PTPN21: variants seen among roughly 807,000 people sequenced by gnomAD.
PTPN21 encodes the protein tyrosine-protein phosphatase non-receptor type 21.
In PTPN21, 77 loss-of-function variants were observed where a neutral mutation model predicts 131.8. That is an observed-to-expected ratio of 0.58 (90% CI 0.49 to 0.71). The LOEUF (loss-of-function observed/expected upper bound fraction) is 0.71, where lower values mean the gene tolerates loss of function less well. Ranked by LOEUF, PTPN21 falls within the 30% of genes least tolerant of loss-of-function variation. The pLI, the probability that PTPN21 is intolerant of heterozygous loss-of-function variation, is 0.00. For missense variants in PTPN21, 1,552 were observed against 1,527.1 expected (o/e 1.02, Z -0.27); for synonymous variants, 715 against 621.3 (o/e 1.15, Z -2.24).
At chr14:88,522,965 G>A (rs542517384) in intron 2 of PTPN21, among the ~76,000 whole-genome samples, 14 of 147,606 alleles carry the variant, frequency 9.5e-5, no homozygotes, top group African/African-American at 3.5e-4. Context: ...TTTTTGGCTC[G>A]TCTTGAATAA....
rs2077429209 is a variant in PTPN21 at position 88,469,786 on chromosome 14, T to C, written c.3001-53A>G. 5 of 1,600,660 alleles carry C rather than the reference T, an allele frequency of 3.1e-6. No individual in the cohort carries two copies. In the East Asian group the frequency reaches 1.1e-4, roughly 36 times the overall value. Reference sequence around the variant, plus strand: ...CTCGAGATCCGGCAATGGATGCCTTTCTCACATAGACGGCACATCTGAAAC... The same window carrying C: ...CTCGAGATCCGGCAATGGATGCCTTCCTCACATAGACGGCACATCTGAAAC... On this transcript the variant is annotated intron_variant, in intron 16 of 18. Coordinates refer to ENST00000556564, the MANE Select transcript of PTPN21 (RefSeq NM_007039.4). The surrounding 1 kb of genome is among the most constrained non-coding windows in gnomAD (Gnocchi z 4.3).
chr14:88,543,982 G>GGA (rs1234443050), intron 2 of PTPN21, among the ~76,000 whole-genome samples: 302 of 16,032 alleles, frequency 0.019, 4 homozygotes, highest in African/African-American at 0.023. Flanking sequence ...ATATACCACA[G>GGA]CAAACATGAA....
intron 2 of PTPN21, among the ~76,000 whole-genome samples, chr14:88,534,204 C>A (rs2078595319): frequency 6.7e-6 from 1 of 150,324 alleles, no homozygotes; most frequent in Non-Finnish European, 1.5e-5. Flanking sequence ...CAAAAACCCA[C>A]CTCTGCTAAA....
intron 10 of PTPN21, chr14:88,492,990 A>G (rs1443381944): frequency 4.8e-6 from 2 of 420,820 alleles, no homozygotes; most frequent in African/African-American, 4.1e-5. Flanking sequence ...GTCAATATGA[A>G]AAAAGCAGGC....
intron 2 of PTPN21, among the ~76,000 whole-genome samples, chr14:88,533,487 C>G (rs2078581618): frequency 6.6e-6 from 1 of 152,182 alleles, no homozygotes; most frequent in Non-Finnish European, 1.5e-5. Flanking sequence ...ACAGCACATA[C>G]AACTATGTAC....
Position 88,491,924 on chromosome 14 carries a change from T to C in PTPN21, c.932+4489A>G, listed in dbSNP as rs1012165357. Among the ~76,000 whole-genome samples the C allele has an allele frequency of 7.2e-5, 11 of 152,166 alleles. 1 individual carries two copies. Among genetic ancestry groups the C allele is most frequent in the Admixed American group, 1.3e-4 (2 of 15,288 alleles). ...GTTCACACTTGCCAATAAATAGCAA[T>C]ATTCCAAAAACTAGAGCTGAATTTC... is the stretch of plus-strand genomic sequence containing the variant. On this transcript the variant is annotated intron_variant, in intron 10 of 18. Transcript: ENST00000556564.
chr14:88,505,298 T>C lies in PTPN21; in HGVS notation c.516+6A>G. The C allele has an allele frequency of 6.3e-7, 1 of 1,592,594 alleles. No homozygotes were observed. The highest frequency in any genetic ancestry group is 2.2e-5 in the East Asian group (1 of 44,638). ...TTAAAAGGCCCAGTGTCAAAAGAAG[T>C]CTTACCACAGGAAACAAGGCAAATT... On this transcript the variant is annotated splice_donor_region_variant and intron_variant, in intron 5 of 18. Coordinates refer to ENST00000556564, the MANE Select transcript of PTPN21 (RefSeq NM_007039.4).
intron 2 of PTPN21, among the ~76,000 whole-genome samples, chr14:88,541,898 A>AG (rs1315898590): frequency 6.6e-6 from 1 of 152,186 alleles, no homozygotes; most frequent in Non-Finnish European, 1.5e-5. Flanking sequence ...TGACAAGGGG[A>AG]GAAAAAGGGA....
At chr14:88,499,136 A>G (rs1455665290) in intron 8 of PTPN21, among the ~76,000 whole-genome samples, 2 of 151,910 alleles carry the variant, frequency 1.3e-5, no homozygotes, top group African/African-American at 2.4e-5. Context: ...CTGACCCCCA[A>G]CTCAGCATGT....
chr14:88,534,736 T>C (rs1171488890), intron 2 of PTPN21, among the ~76,000 whole-genome samples: 2 of 152,042 alleles, frequency 1.3e-5, no homozygotes, highest in Admixed American at 6.6e-5. Context: ...TAGCCAGGTG[T>C]GGTGGTGCAC....
At chr14:88,539,777 T>A (rs903470798) in intron 2 of PTPN21, among the ~76,000 whole-genome samples, 5 of 152,188 alleles carry the variant, frequency 3.3e-5, no homozygotes, top group Admixed American at 2.0e-4. Context: ...TATTGAAGGG[T>A]AGCATACATT....
At chr14:88,544,278 G>T (rs2078745249) in intron 2 of PTPN21, among the ~76,000 whole-genome samples, 2 of 152,094 alleles carry the variant, frequency 1.3e-5, no homozygotes, top group South Asian at 4.2e-4. Context: ...CCGGGAGGCG[G>T]AAGTTGCTGT....
At chr14:88,554,622 C>T (rs1254108355) in intron 1 of PTPN21, 29 bp downstream of exon 1, 1 of 150,956 alleles carries the variant, frequency 6.6e-6, no homozygotes, top group East Asian at 2.0e-4. Context: ...CCGCCCGCCC[C>T]TCCCGCCGGC....
At chr14:88,554,423 C>T (rs992574372) in intron 1 of PTPN21, among the ~76,000 whole-genome samples, 5 of 152,204 alleles carry the variant, frequency 3.3e-5, no homozygotes, top group African/African-American at 1.2e-4. Flanking sequence ...CCAGGGCGTT[C>T]GGAATAGAAG....
Position 88,469,702 on chromosome 14 carries a change from C to T in PTPN21, c.3032G>A (p.Trp1011Ter), listed in dbSNP as rs1345894332. 1.2e-6 allele frequency: 2 copies of T among 1,614,192 alleles called. No individual in the cohort carries two copies. The highest frequency in any genetic ancestry group is 1.7e-5 in the Admixed American group (1 of 60,012). ...EGGREKSFRY[W>*]PRLGSRHNTV... Reference sequence around the variant, plus strand: ...GTTGTGCCTGGAACCAAGTCGTGGCCAGTACCTAAAGCTCTTCTCCCTTCC... The same window carrying T: ...GTTGTGCCTGGAACCAAGTCGTGGCTAGTACCTAAAGCTCTTCTCCCTTCC... Residue 1011 changes from tryptophan (W) to a stop codon, truncating the protein, a stop_gained, in exon 17 of 19, where the codon TGG becomes TAG. Coordinates refer to ENST00000556564, the MANE Select transcript of PTPN21 (RefSeq NM_007039.4). LOFTEE classifies it high-confidence loss of function. The surrounding 1 kb of genome is among the most constrained non-coding windows in gnomAD (Gnocchi z 4.3).
intron 4 of PTPN21, among the ~76,000 whole-genome samples, chr14:88,507,164 A>AGTT (rs2078103978): frequency 6.6e-6 from 1 of 152,256 alleles, no homozygotes; most frequent in Admixed American, 6.5e-5. Context: ...AAGTGTACTT[A>AGTT]AACTGTAAGC....
rs757640728 is a variant in PTPN21, at chr14:88,490,012, C to CTTT, written c.933-4173_933-4171dup. ...CCAGCCCCATGAAATGTGTGGTTTT[C>CTTT]TTTTTTTTTTTTTGGAGATGGAGTC... On this transcript the variant is annotated intron_variant, in intron 10 of 18. Coordinates refer to ENST00000556564, the MANE Select transcript of PTPN21 (RefSeq NM_007039.4). 2.7e-3 allele frequency among the ~76,000 whole-genome samples: 384 copies of CTTT among 143,076 alleles called. 6 individuals are homozygous for CTTT. The highest frequency in any genetic ancestry group is 9.6e-3 in the African/African-American group (370 of 38,734). 93.9% of individuals were successfully genotyped at this position (143,076 alleles called of 152,430 possible). A position where few individuals can be genotyped will look rare whatever the true frequency, so the allele number is the denominator to read the frequency against.
intron 2 of PTPN21, among the ~76,000 whole-genome samples, chr14:88,532,373 G>GA (rs1364192393): frequency 6.6e-6 from 1 of 151,610 alleles, no homozygotes; most frequent in Non-Finnish European, 1.5e-5. Flanking sequence ...TTAAGTCTAA[G>GA]AAAAAAAATG....
Position 88,466,342 on chromosome 14 carries a change from A to G in PTPN21, c.*1795T>C, listed in dbSNP as rs936217350. 3.3e-5 allele frequency: 5 copies of G among 152,098 alleles called. No individual in the cohort carries two copies. The highest frequency in any genetic ancestry group is 6.5e-5 in the Admixed American group (1 of 15,270). 9.4% of individuals were successfully genotyped at this position (152,098 alleles called of 1,614,324 possible). ...GCGTACTTTCAATTAGTTTTCATTAATATCTTCTGAGTTTTCCTCTTAGGT... is the reference window on the plus strand; with the variant it reads ...GCGTACTTTCAATTAGTTTTCATTAGTATCTTCTGAGTTTTCCTCTTAGGT... On this transcript the variant is annotated 3_prime_UTR_variant, in exon 19 of 19. Coordinates refer to ENST00000556564, the MANE Select transcript of PTPN21 (RefSeq NM_007039.4).
Sources: gnomAD v4.1 joint callset for allele counts (sites outside exome capture counted in the v4.1 genomes callset) on GRCh38, gnomAD v4.1.1 for gene constraint, Gnocchi (gnomAD v3.1) non-coding constraint, MANE v1.5 for transcripts, NCBI Gene and HGNC (gene_info 2026-07-23, HGNC 2026-07-21) for gene names.